The following SGCZ variants were observed in gnomAD, a reference collection of about 807,000 sequenced individuals.
SGCZ encodes zeta-sarcoglycan.
In SGCZ, 40 loss-of-function variants were observed where a neutral mutation model predicts 41.3. That is an observed-to-expected ratio of 0.97 (90% confidence interval 0.75 to 1.26). The LOEUF (loss-of-function observed/expected upper bound fraction) is 1.26, where lower values mean the gene tolerates loss of function less well. Among genes scored for constraint, SGCZ ranks in the 50% most tolerant of loss-of-function variants. The pLI is 0.00. For synonymous variants in SGCZ, 206 were observed against 137.5 expected (o/e 1.50, Z -3.49); for missense variants, 552 against 369.8 (o/e 1.49, Z -4.04).
At chr8:15,053,265 T>A (rs1158101407) in intron 1 of SGCZ, among the ~76,000 whole-genome samples, 2 of 152,210 alleles carry the variant, frequency 1.3e-5, no homozygotes, top group Non-Finnish European at 2.9e-5. Context: ...GCTTCCCTCA[T>A]AATTGTGAAT....
intron 1 of SGCZ, among the ~76,000 whole-genome samples, chr8:15,025,901 T>A (rs1220525737): frequency 1.3e-5 from 2 of 152,212 alleles, no homozygotes; most frequent in Admixed American, 1.3e-4. Context: ...TTTCATCTGC[T>A]AGCCTTACAT....
rs115140644 is a variant in SGCZ, at chr8:14,725,716, T to C, written c.40-170790A>G. ...TTTTGGACAACGATATCAAGGGAAA[T>C]AGAGAAGGAGTGTTTTCTGAGTAGT... On this transcript the variant is annotated intron_variant, in intron 1 of 7. Coordinates refer to ENST00000382080, the MANE Select transcript of SGCZ (RefSeq NM_139167.4). 9.9e-3 allele frequency among the ~76,000 whole-genome samples: 1,514 copies of C among 152,200 alleles called. 29 individuals carry two copies. The highest frequency in any genetic ancestry group is 0.035 in the African/African-American group (1,449 of 41,516).
At chr8:14,585,614 G>A (rs931671138) in intron 1 of SGCZ, among the ~76,000 whole-genome samples, 68 of 152,088 alleles carry the variant, frequency 4.5e-4, no homozygotes, top group African/African-American at 1.5e-3. Flanking sequence ...GCCTACAAAG[G>A]TTATTATTTT....
Position 14,608,180 on chromosome 8 carries a change from C to G in SGCZ, c.40-53254G>C, listed in dbSNP as rs1467207930. Among the ~76,000 whole-genome samples, 4 of 151,286 alleles carry G rather than the reference C, an allele frequency of 2.6e-5. No individual in the cohort carries two copies. In the East Asian group the frequency reaches 7.7e-4, roughly 29 times the overall value. On this transcript the variant is annotated intron_variant, in intron 1 of 7. Transcript: ENST00000382080. ...GCTTTTTAAAAATGAAGCGCCAAAA[C>G]TCTCCATAAGGTGGAATGAAAATAA...
chr8:14,644,875 ATTTCT>A (rs1489188823), intron 1 of SGCZ, among the ~76,000 whole-genome samples: 2 of 151,458 alleles, frequency 1.3e-5, no homozygotes, highest in Non-Finnish European at 2.9e-5. Flanking sequence ...CGAAGACCAG[ATTTCT>A]TTCTCACTGA....
At chr8:14,146,100 C>T (rs1057367076) in intron 5 of SGCZ, among the ~76,000 whole-genome samples, 15 of 152,108 alleles carry the variant, frequency 9.9e-5, no homozygotes, top group African/African-American at 3.6e-4. Context: ...GGTTATACAA[C>T]ACCAAGCAGA....
At position 14,086,744 on chromosome 8, in the gene SGCZ, T is replaced by C. The variant is rs1801532619; in HGVS notation, c.*3699A>G. 6.6e-6 allele frequency among the ~76,000 whole-genome samples: 1 copy of C among 151,620 alleles called. No individual in the cohort carries two copies. The highest frequency in any genetic ancestry group is 1.9e-4 in the East Asian group (1 of 5,140). ...AATGTTAAGAGTGTAAAAGGGAGTA[T>C]AAAAAAGAGCATAGGAAGTAGCGTG... On this transcript the variant is annotated 3_prime_UTR_variant, in exon 8 of 8. Coordinates refer to ENST00000382080, the MANE Select transcript of SGCZ (RefSeq NM_139167.4).
At position 15,163,573 on chromosome 8, in the gene SGCZ, C is replaced by T. The variant is rs1799574001; in HGVS notation, c.39+74012G>A. Among the ~76,000 whole-genome samples the T allele has an allele frequency of 2.6e-5, 4 of 152,178 alleles. No homozygotes were observed. In the South Asian group the frequency reaches 6.2e-4, roughly 24 times the overall value. On this transcript the variant is annotated intron_variant, in intron 1 of 7. Transcript: ENST00000382080. Reference sequence around the variant, plus strand: ...ATAAAAATATATGATTTTACTTATCCTATTTCTTAAAGAAAAAGTCTGATA... The same window carrying T: ...ATAAAAATATATGATTTTACTTATCTTATTTCTTAAAGAAAAAGTCTGATA...
chr8:14,426,567 G>A (rs73188346), intron 2 of SGCZ, among the ~76,000 whole-genome samples: 6,539 of 152,146 alleles, frequency 0.043, 185 homozygotes, highest in Middle Eastern at 0.079. Flanking sequence ...GCGATCATAC[G>A]CCTAAGGGAG....
At chr8:14,177,666 C>A (rs1482272461) in intron 4 of SGCZ, among the ~76,000 whole-genome samples, 8 of 147,550 alleles carry the variant, frequency 5.4e-5, no homozygotes, top group African/African-American at 2.0e-4. Context: ...CCCGCCACCA[C>A]GCCCTGCTAT....
At chr8:14,454,591 A>T (rs1032109943) in intron 2 of SGCZ, among the ~76,000 whole-genome samples, 1 of 152,218 alleles carries the variant, frequency 6.6e-6, no homozygotes, top group African/African-American at 2.4e-5. Flanking sequence ...AGTAGCTCAA[A>T]AACACTGTAA....
chr8:14,716,114 T>C (rs1255925445), intron 1 of SGCZ, among the ~76,000 whole-genome samples: 1 of 152,038 alleles, frequency 6.6e-6, no homozygotes, highest in African/African-American at 2.4e-5. Context: ...ACCTAGAAAT[T>C]AATTACCTTC....
At chr8:14,241,069 TC>T (rs1384780887) in intron 3 of SGCZ, among the ~76,000 whole-genome samples, 4 of 152,118 alleles carry the variant, frequency 2.6e-5, no homozygotes, top group Non-Finnish European at 5.9e-5. Context: ...AAATGAATGC[TC>T]CTTAAGTTTT....
intron 1 of SGCZ, among the ~76,000 whole-genome samples, chr8:14,898,320 T>C (rs1283315032): frequency 3.9e-5 from 6 of 152,106 alleles, no homozygotes; most frequent in African/African-American, 1.4e-4. Flanking sequence ...AAGGCAAAGC[T>C]ATGCAATGTC....
At chr8:14,094,377 A>T (rs1170054958) in intron 7 of SGCZ, among the ~76,000 whole-genome samples, 2 of 151,798 alleles carry the variant, frequency 1.3e-5, no homozygotes, top group African/African-American at 4.8e-5. Context: ...AATTAGGAGT[A>T]CATGTGGTGT....
At chr8:14,329,147 T>G (rs1802227387) in intron 2 of SGCZ, among the ~76,000 whole-genome samples, 1 of 152,236 alleles carries the variant, frequency 6.6e-6, no homozygotes, top group African/African-American at 2.4e-5. Context: ...TTACCTATTG[T>G]TCACAGACAG....
intron 1 of SGCZ, among the ~76,000 whole-genome samples, chr8:15,226,485 C>T (rs1000940007): frequency 6.6e-6 from 1 of 152,180 alleles, no homozygotes. Flanking sequence ...TCATCAGCAG[C>T]AGCTACTATG....
intron 2 of SGCZ, among the ~76,000 whole-genome samples, chr8:14,468,924 A>C (rs1257900850): frequency 6.6e-6 from 1 of 152,126 alleles, no homozygotes; most frequent in Non-Finnish European, 1.5e-5. Context: ...TCATGTATAC[A>C]CTAACTTTAC....
At chr8:14,145,192 G>A (rs753031998) in intron 5 of SGCZ, among the ~76,000 whole-genome samples, 1 of 152,162 alleles carries the variant, frequency 6.6e-6, no homozygotes, top group Non-Finnish European at 1.5e-5. Flanking sequence ...GGGCCACAGG[G>A]GTGCTTGTAT....
Sources: gnomAD v4.1 joint callset for allele counts (sites outside exome capture counted in the v4.1 genomes callset) on GRCh38, gnomAD v4.1.1 for gene constraint, MANE v1.5 for transcripts, NCBI Gene and HGNC (gene_info 2026-07-23, HGNC 2026-07-21) for gene names.